SLC30A6: variants seen among roughly 807,000 people sequenced by gnomAD.
The protein encoded by SLC30A6 is solute carrier family 30 member 6.
In SLC30A6, 55 loss-of-function variants were observed where a neutral mutation model predicts 63.0. The ratio of observed to expected loss-of-function variants is 0.87; its 90% CI spans 0.70 to 1.09. The LOEUF is 1.09. Among genes scored for constraint, SLC30A6 ranks in the 50% least tolerant of loss-of-function variants. SLC30A6 has a pLI of 0.00. For synonymous variants in SLC30A6, 224 were observed against 186.1 expected (o/e 1.20, Z -1.66); for missense variants, 587 against 549.2 (o/e 1.07, Z -0.69).
chr2:32,201,732 A>G, intron 10 of SLC30A6: 1 of 1,331,566 alleles, frequency 7.5e-7, no homozygotes, highest in Non-Finnish European at 1.1e-6. Context: ...ATGGACCTGT[A>G]CTTCCCTTAT....
intron 8 of SLC30A6, among the ~76,000 whole-genome samples, chr2:32,194,975 A>G (rs893239842): frequency 6.6e-6 from 1 of 152,146 alleles, no homozygotes; most frequent in African/African-American, 2.4e-5. Flanking sequence ...ACTACTGATA[A>G]TCTTATGACC....
intron 4 of SLC30A6, among the ~76,000 whole-genome samples, chr2:32,178,603 G>C (rs998107910): frequency 2.0e-5 from 3 of 152,178 alleles, no homozygotes; most frequent in African/African-American, 7.2e-5. Flanking sequence ...AACCTGGTGG[G>C]ACAGAGATTG....
chr2:32,167,466 TTAATTGAGCC>T (rs1680786814), intron 1 of SLC30A6, among the ~76,000 whole-genome samples: 1 of 152,050 alleles, frequency 6.6e-6, no homozygotes, highest in African/African-American at 2.4e-5. Context: ...TCATGCTGTA[TTAATTGAGCC>T]TTTGTACCTA....
intron 13 of SLC30A6, among the ~76,000 whole-genome samples, chr2:32,212,565 CCT>C (rs1340336079): frequency 2.8e-5 from 4 of 141,646 alleles, no homozygotes; most frequent in African/African-American, 1.0e-4. Context: ...TGGCTTTCTT[CCT>C]CTCTGCCATT....
At chr2:32,219,541 TCTC>T (rs1685986925) in intron 13 of SLC30A6, among the ~76,000 whole-genome samples, 2 of 152,174 alleles carry the variant, frequency 1.3e-5, no homozygotes, top group South Asian at 4.1e-4. Flanking sequence ...TTCAAGCTGT[TCTC>T]CTGCCTCGGT....
chr2:32,222,937 A>T lies in SLC30A6; in HGVS notation c.*2224A>T, dbSNP rs574003819. 6.6e-6 allele frequency: 1 copy of T among 152,254 alleles called. No individual in the cohort carries two copies. The highest frequency in any genetic ancestry group is 2.1e-4 in the South Asian group (1 of 4,830). The allele number at this position is 152,254 out of a possible 1,614,324, so 9.4% of individuals were successfully genotyped here. ...CAGGTACCAAACACAGTTCTGTGTG[A>T]GGTTTTATGCCTACTTCCTCAACAC... On this transcript the variant is annotated 3_prime_UTR_variant, in exon 14 of 14. Transcript: ENST00000282587.
intron 13 of SLC30A6, among the ~76,000 whole-genome samples, chr2:32,217,961 G>T (rs549871289): frequency 3.3e-5 from 5 of 151,852 alleles, no homozygotes; most frequent in African/African-American, 1.2e-4. Context: ...TCAGCCTCCT[G>T]CGTAGCTGAG....
At chr2:32,205,731 A>G (rs1684710408) in intron 11 of SLC30A6, among the ~76,000 whole-genome samples, 1 of 127,776 alleles carries the variant, frequency 7.8e-6, no homozygotes, top group East Asian at 2.3e-4. Context: ...CAGTGGCGCT[A>G]CACTCAGGTC....
rs747489226 is a variant in SLC30A6 at position 32,203,318 on chromosome 2, G to GT, written c.666-1271dup. ...TCAACTAAGATATGTGGAACAAAAAGTAGGAATTACTTTTAAATGTGTAGG... is the reference window on the plus strand; with the variant it reads ...TCAACTAAGATATGTGGAACAAAAAGTTAGGAATTACTTTTAAATGTGTAGG... On this transcript the variant is annotated intron_variant, in intron 10 of 13. Transcript: ENST00000282587. 2.4e-5 allele frequency: 22 copies of GT among 924,958 alleles called. No individual in the cohort carries two copies. In the South Asian group the frequency reaches 2.7e-4, roughly 11 times the overall value. 57.3% of individuals were successfully genotyped at this position (924,958 alleles called of 1,614,324 possible).
chr2:32,179,526 G>C lies in SLC30A6; in HGVS notation c.218+4165G>C, dbSNP rs1285299927. The stretch of plus-strand genomic sequence containing the variant: ...GAGTTACTGATTCAGGAGGCCTAGG[G>C]TAGGACCCAAGAATTTGCATTTCTA... On this transcript the variant is annotated intron_variant, in intron 4 of 13. Coordinates refer to ENST00000282587, the MANE Select transcript of SLC30A6 (RefSeq NM_017964.5). Among the ~76,000 whole-genome samples, 3 of 152,184 alleles carry C rather than the reference G, an allele frequency of 2.0e-5. No individual in the cohort carries two copies. The East Asian group carries it at 5.8e-4, about 29-fold the overall frequency.
At chr2:32,209,632 A>AG (rs111625424) in intron 13 of SLC30A6, 71 bp downstream of exon 13, 2 of 1,302,068 alleles carry the variant, frequency 1.5e-6, no homozygotes, top group African/African-American at 1.5e-5. Flanking sequence ...CTGAAAAAAA[A>AG]TATTTCCTTA....
At chr2:32,208,699 A>G (rs1684999305) in intron 12 of SLC30A6, among the ~76,000 whole-genome samples, 1 of 151,362 alleles carries the variant, frequency 6.6e-6, no homozygotes, top group Non-Finnish European at 1.5e-5. Flanking sequence ...TTTTTAGTAG[A>G]GACAGGGTTT....
rs1299544715 is a variant in SLC30A6, at chr2:32,223,417, G to T, written c.*2704G>T. ...ATTCCAGTTCTGATGCTGCCACTGT[G>T]TAAGGAAGTAGTTTTATAACCCATG... On this transcript the variant is annotated 3_prime_UTR_variant, in exon 14 of 14. Transcript: ENST00000282587. The T allele has an allele frequency of 6.6e-6, 1 of 152,242 alleles. No individual in the cohort carries two copies. Among genetic ancestry groups the T allele is most frequent in the Non-Finnish European group, 1.5e-5 (1 of 68,044 alleles). 9.4% of individuals were successfully genotyped at this position (152,242 alleles called of 1,614,324 possible). A position where few individuals can be genotyped will look rare whatever the true frequency, so the allele number is the denominator to read the frequency against.
intron 12 of SLC30A6, 44 bp downstream of exon 12, chr2:32,206,977 G>T: frequency 6.9e-7 from 1 of 1,454,584 alleles, no homozygotes; most frequent in South Asian, 1.2e-5. Context: ...TTATATCAGG[G>T]AATTGAAAAG....
intron 1 of SLC30A6, among the ~76,000 whole-genome samples, chr2:32,170,156 G>A (rs1681069498): frequency 6.6e-6 from 1 of 151,866 alleles, no homozygotes; most frequent in South Asian, 2.1e-4. Context: ...TATTAAGAAA[G>A]GCTTCCCCCA....
chr2:32,204,556 A>G (rs1279465059), intron 10 of SLC30A6, 34 bp from the exon 11 acceptor site: 2 of 1,462,922 alleles, frequency 1.4e-6, no homozygotes, highest in Non-Finnish European at 1.9e-6. Flanking sequence ...AGTGAGATAT[A>G]AATTTAAAAT....
chr2:32,181,940 T>C, intron 4 of SLC30A6, among the ~76,000 whole-genome samples: 1 of 149,108 alleles, frequency 6.7e-6, no homozygotes, highest in Admixed American at 6.7e-5. Flanking sequence ...TTTCTTTTTT[T>C]TTTTTTTTTT....
chr2:32,191,403 A>T (rs978261299), intron 5 of SLC30A6, among the ~76,000 whole-genome samples: 7 of 152,112 alleles, frequency 4.6e-5, no homozygotes, highest in Non-Finnish European at 1.0e-4. Flanking sequence ...TACAGTCTTA[A>T]TTTTTTTGTC....
At chr2:32,208,940 C>T (rs1304931822) in intron 12 of SLC30A6, among the ~76,000 whole-genome samples, 1 of 152,124 alleles carries the variant, frequency 6.6e-6, no homozygotes, top group Non-Finnish European at 1.5e-5. Flanking sequence ...CCACTTTTAC[C>T]AGTATAACTG....
Sources: gnomAD v4.1 joint callset for allele counts (sites outside exome capture counted in the v4.1 genomes callset) on GRCh38, gnomAD v4.1.1 for gene constraint, MANE v1.5 for transcripts, NCBI Gene and HGNC (gene_info 2026-07-23, HGNC 2026-07-21) for gene names.